KLF6: variants seen among roughly 807,000 people sequenced by gnomAD.
KLF6 encodes KLF transcription factor 6, also known as Krueppel-like factor 6.
For synonymous variants in KLF6, 152 were observed against 147.9 expected, an observed-to-expected ratio of 1.03 and a Z score of -0.20; for missense variants, 233 against 359.8, an observed-to-expected ratio of 0.65 and a Z score of 2.85.
rs777689177 is a variant in KLF6, at chr10:3,778,551, T to C, written c.*988A>G. ...GAATTCTCCAAAAAGTTAATTCAAA[T>C]TCAGAATCATTTAAAAATAATCCTG... On this transcript the variant is annotated 3_prime_UTR_variant, in exon 4 of 4. Transcript: ENST00000497571. 1.9e-6 allele frequency: 1 copy of C among 520,310 alleles called. No homozygotes were observed. The highest frequency in any genetic ancestry group is 1.5e-5 in the South Asian group (1 of 64,804). 32.2% of individuals were successfully genotyped at this position (520,310 alleles called of 1,614,324 possible).
At position 3,778,963 on chromosome 10, in the gene KLF6, A is replaced by T. The variant is rs1214249122; in HGVS notation, c.*576T>A. 1.1e-5 allele frequency: 6 copies of T among 534,256 alleles called. No individual in the cohort carries two copies. Among genetic ancestry groups the T allele is most frequent in the African/African-American group, 5.6e-5 (3 of 53,814 alleles). 33.1% of individuals were successfully genotyped at this position (534,256 alleles called of 1,614,324 possible). On this transcript the variant is annotated 3_prime_UTR_variant, in exon 4 of 4. Transcript: ENST00000497571. ...GGGGAGAGAGGCTCTCCCTCCCCAC[A>T]CCACTCGCCACTCTGGGGTCCTGAG...
chr10:3,782,858 T>C lies in KLF6; in HGVS notation c.103-644A>G, dbSNP rs1188158060. On this transcript the variant is annotated intron_variant, in intron 1 of 3. Coordinates refer to ENST00000497571, the MANE Select transcript of KLF6 (RefSeq NM_001300.6). The surrounding 1 kb of genome is among the most constrained non-coding windows in gnomAD (Gnocchi z 4.3). The stretch of plus-strand genomic sequence containing the variant: ...CCAGACCGCCTATGTTTTCACAGAA[T>C]GCCGTTCCCAAGTGCAGGCCCTTGC... Among the ~76,000 whole-genome samples, 1 of 152,246 alleles carries C rather than the reference T, an allele frequency of 6.6e-6. No individual in the cohort carries two copies. Among genetic ancestry groups the C allele is most frequent in the Admixed American group, 6.5e-5 (1 of 15,286 alleles).
At position 3,780,168 on chromosome 10, in the gene KLF6, C is replaced by T. The variant is rs1832487538; in HGVS notation, c.738G>A (p.Glu246=). 3 of 1,614,176 alleles carry T rather than the reference C, an allele frequency of 1.9e-6. No individual in the cohort carries two copies. Among genetic ancestry groups the T allele is most frequent in the Non-Finnish European group, 2.5e-6 (3 of 1,180,018 alleles). Residue 246 remains glutamate, a synonymous_variant, in exon 3 of 4, where the codon GAG becomes GAA. Coordinates refer to ENST00000497571, the MANE Select transcript of KLF6 (RefSeq NM_001300.6). This position sits in a 1 kb window ranked among gnomAD's most constrained non-coding sequence, Gnocchi z 4.6. ...TGTGCTTTCGGAAGTGCCTGGTTAA[C>T]TCATCACTTCTTGCAAAACGCCACT... ...GCEWRFARSD[E]LTRHFRKHTG... is the part of the protein sequence containing the mutation.
rs17731 is a variant in KLF6, at chr10:3,779,369, G to C, written c.*170C>G. The stretch of plus-strand genomic sequence containing the variant: ...TACCATGCACCACGGGTGCTATGCC[G>C]CTTCTTACAGGACCTTTTTAGCCCT... On this transcript the variant is annotated 3_prime_UTR_variant, in exon 4 of 4. Transcript: ENST00000497571. 43 of 698,002 alleles carry C rather than the reference G, an allele frequency of 6.2e-5. No homozygotes were observed. The highest frequency in any genetic ancestry group is 9.7e-5 in the Non-Finnish European group (37 of 383,092). 43.2% of individuals were successfully genotyped at this position (698,002 alleles called of 1,614,324 possible).
rs566399637 is a variant in KLF6, at chr10:3,776,007, T to C, written c.*3532A>G. The stretch of plus-strand genomic sequence containing the variant: ...AGATGTAACTCCTCTGGCAGTGATG[T>C]CATCTTTTATTTTCTGCCCTCCTTG... On this transcript the variant is annotated 3_prime_UTR_variant, in exon 4 of 4. Coordinates refer to ENST00000497571, the MANE Select transcript of KLF6 (RefSeq NM_001300.6). 43 of 464,380 alleles carry C rather than the reference T, an allele frequency of 9.3e-5. No homozygotes were observed. The East Asian group carries it at 1.8e-3, about 20-fold the overall frequency. 28.8% of individuals were successfully genotyped at this position (464,380 alleles called of 1,614,324 possible). A position where few individuals can be genotyped will look rare whatever the true frequency, so the allele number is the denominator to read the frequency against.
Position 3,776,762 on chromosome 10 carries a change from G to C in KLF6, c.*2777C>G, listed in dbSNP as rs2131089843. 2.1e-6 allele frequency: 1 copy of C among 474,660 alleles called. No individual in the cohort carries two copies. The highest frequency in any genetic ancestry group is 4.0e-6 in the Non-Finnish European group (1 of 251,106). 29.4% of individuals were successfully genotyped at this position (474,660 alleles called of 1,614,324 possible). The stretch of plus-strand genomic sequence containing the variant: ...ATTTTTTTTTAATTTCAAGCAAAAA[G>C]TTTCTGCTTGATTGAGGCTCAGTTA... On this transcript the variant is annotated 3_prime_UTR_variant, in exon 4 of 4. Transcript: ENST00000497571.
Position 3,780,340 on chromosome 10 carries a change from C to T in KLF6, c.677-111G>A. On this transcript the variant is annotated intron_variant, in intron 2 of 3. Transcript: ENST00000497571. This position sits in a 1 kb window ranked among gnomAD's most constrained non-coding sequence, Gnocchi z 4.6. Reference sequence around the variant, plus strand: ...GGATGCAAGGCCAGGGACCCAGTGGCTTCTGGCATCGGTAACACACAACAA... The same window carrying T: ...GGATGCAAGGCCAGGGACCCAGTGGTTTCTGGCATCGGTAACACACAACAA... 2 of 1,328,536 alleles carry T rather than the reference C, an allele frequency of 1.5e-6. No homozygotes were observed. Among genetic ancestry groups the T allele is most frequent in the South Asian group, 1.2e-5 (1 of 84,940 alleles). The allele number at this position is 1,328,536 out of a possible 1,614,324, so 82.3% of individuals were successfully genotyped here.
chr10:3,783,006 C>G (rs1832566007), intron 1 of KLF6, among the ~76,000 whole-genome samples: 1 of 152,216 alleles, frequency 6.6e-6, no homozygotes, highest in African/African-American at 2.4e-5. Context: ...GGGGAAATTA[C>G]TCCACGGCCC....
At position 3,776,788 on chromosome 10, in the gene KLF6, T is replaced by C. The variant is rs990227533; in HGVS notation, c.*2751A>G. 1.6e-5 allele frequency: 8 copies of C among 513,396 alleles called. No individual in the cohort carries two copies. The highest frequency in any genetic ancestry group is 6.8e-5 in the Admixed American group (3 of 43,842). The allele number at this position is 513,396 out of a possible 1,614,324, so 31.8% of individuals were successfully genotyped here. On this transcript the variant is annotated 3_prime_UTR_variant, in exon 4 of 4. Transcript: ENST00000497571. ...TTTCTGCTTGATTGAGGCTCAGTTA[T>C]CACCTGAACAGAATGTACTTCTTTA...
rs1338739569 is a variant in KLF6 at position 3,776,860 on chromosome 10, C to G, written c.*2679G>C. 1 of 527,624 alleles carries G rather than the reference C, an allele frequency of 1.9e-6. No homozygotes were observed. Among genetic ancestry groups the G allele is most frequent in the Non-Finnish European group, 3.7e-6 (1 of 272,970 alleles). The allele number at this position is 527,624 out of a possible 1,614,324, so 32.7% of individuals were successfully genotyped here. A position where few individuals can be genotyped will look rare whatever the true frequency, so the allele number is the denominator to read the frequency against. ...TCACAGGCATTGACAGGTACGGTACCCAGCCCCACCCAGGCAAACAGCTCC... is the reference window on the plus strand; with the variant it reads ...TCACAGGCATTGACAGGTACGGTACGCAGCCCCACCCAGGCAAACAGCTCC... On this transcript the variant is annotated 3_prime_UTR_variant, in exon 4 of 4. Coordinates refer to ENST00000497571, the MANE Select transcript of KLF6 (RefSeq NM_001300.6).
At position 3,779,597 on chromosome 10, in the gene KLF6, G is replaced by C; in HGVS notation, c.801-7C>G. 1 of 1,613,978 alleles carries C rather than the reference G, an allele frequency of 6.2e-7. No individual in the cohort carries two copies. Among genetic ancestry groups the C allele is most frequent in the Non-Finnish European group, 8.5e-7 (1 of 1,179,818 alleles). ...GTCAGACCTGGAAAAACACCTGCAAGGGCAAATCAGAAGCACAGAAGAAGT... is the reference window on the plus strand; with the variant it reads ...GTCAGACCTGGAAAAACACCTGCAACGGCAAATCAGAAGCACAGAAGAAGT... On this transcript the variant is annotated splice_polypyrimidine_tract_variant and splice_region_variant and intron_variant, in intron 3 of 3. Coordinates refer to ENST00000497571, the MANE Select transcript of KLF6 (RefSeq NM_001300.6).
Position 3,776,817 on chromosome 10 carries a change from A to T in KLF6, c.*2722T>A, listed in dbSNP as rs2131089922. 1.9e-6 allele frequency: 1 copy of T among 522,780 alleles called. No homozygotes were observed. Among genetic ancestry groups the T allele is most frequent in the Admixed American group, 2.2e-5 (1 of 44,602 alleles). 32.4% of individuals were successfully genotyped at this position (522,780 alleles called of 1,614,324 possible). Reference sequence around the variant, plus strand: ...CTGAACAGAATGTACTTCTTTATGTACGTGCTAATTATGAAAATCACAGGC... The same window carrying T: ...CTGAACAGAATGTACTTCTTTATGTTCGTGCTAATTATGAAAATCACAGGC... On this transcript the variant is annotated 3_prime_UTR_variant, in exon 4 of 4. Coordinates refer to ENST00000497571, the MANE Select transcript of KLF6 (RefSeq NM_001300.6).
intron 3 of KLF6, among the ~76,000 whole-genome samples, chr10:3,779,822 G>A (rs1046874571): frequency 3.9e-5 from 6 of 152,210 alleles, no homozygotes; most frequent in Admixed American, 2.6e-4. Flanking sequence ...GAATCTGAAC[G>A]GACTTCATTT....
chr10:3,776,409 G>A lies in KLF6; in HGVS notation c.*3130C>T, dbSNP rs976652558. The A allele has an allele frequency of 1.7e-5, 9 of 531,970 alleles. No homozygotes were observed. Among genetic ancestry groups the A allele is most frequent in the African/African-American group, 1.5e-4 (8 of 53,642 alleles). The allele number at this position is 531,970 out of a possible 1,614,324, so 33.0% of individuals were successfully genotyped here. ...TCTCCAGCTCCCAGGACAGGCTGTG[G>A]AAAGAGGAAGGGGCTGAGGTCGGTG... On this transcript the variant is annotated 3_prime_UTR_variant, in exon 4 of 4. Transcript: ENST00000497571.
Position 3,781,410 on chromosome 10 carries a change from G to A in KLF6, c.676+231C>T. 2.0e-6 allele frequency: 3 copies of A among 1,496,630 alleles called. No individual in the cohort carries two copies. The highest frequency in any genetic ancestry group is 4.4e-5 in the Admixed American group (2 of 45,686). The allele number at this position is 1,496,630 out of a possible 1,614,324, so 92.7% of individuals were successfully genotyped here. ...CGTGGAGAAAAGGATCTAGTCTCTT[G>A]TTTGTTTAATCTGAAAATTGTTACA... On this transcript the variant is annotated intron_variant, in intron 2 of 3. Transcript: ENST00000497571. The surrounding 1 kb of genome is among the most constrained non-coding windows in gnomAD (Gnocchi z 5.8).
At position 3,776,338 on chromosome 10, in the gene KLF6, G is replaced by A. The variant is rs1309940131; in HGVS notation, c.*3201C>T. The stretch of plus-strand genomic sequence containing the variant: ...TGTTTTTGTCAGTCCTTGGAGAAGA[G>A]TATTTGATGCATTCAGGGAGGGCAA... On this transcript the variant is annotated 3_prime_UTR_variant, in exon 4 of 4. Transcript: ENST00000497571. 7.5e-6 allele frequency: 4 copies of A among 532,580 alleles called. No homozygotes were observed. The East Asian group carries it at 1.6e-4, about 21-fold the overall frequency. The allele number at this position is 532,580 out of a possible 1,614,324, so 33.0% of individuals were successfully genotyped here. A position where few individuals can be genotyped will look rare whatever the true frequency, so the allele number is the denominator to read the frequency against.
In KLF6 at chr10:3,781,539, C is replaced by T. The variant is rs763053430; in HGVS notation, c.676+102G>A. The T allele has an allele frequency of 1.9e-6, 3 of 1,563,166 alleles. No homozygotes were observed. The highest frequency in any genetic ancestry group is 2.6e-6 in the Non-Finnish European group (3 of 1,153,812). ...TCTGAGGAAGTGAGGATTTGTCTGCCCTGACCACATCCTGTGCAGCCAGGC... is the reference window on the plus strand; with the variant it reads ...TCTGAGGAAGTGAGGATTTGTCTGCTCTGACCACATCCTGTGCAGCCAGGC... On this transcript the variant is annotated intron_variant, in intron 2 of 3. Transcript: ENST00000497571. The surrounding 1 kb of genome is among the most constrained non-coding windows in gnomAD (Gnocchi z 5.8).
In KLF6 at chr10:3,777,216, G is replaced by C. The variant is rs770293118; in HGVS notation, c.*2323C>G. 9.7e-6 allele frequency: 5 copies of C among 517,626 alleles called. No individual in the cohort carries two copies. Among genetic ancestry groups the C allele is most frequent in the South Asian group, 7.7e-5 (5 of 64,928 alleles). 32.1% of individuals were successfully genotyped at this position (517,626 alleles called of 1,614,324 possible). A position where few individuals can be genotyped will look rare whatever the true frequency, so the allele number is the denominator to read the frequency against. ...TACCAGCCCAGCCAGACTCACATGT[G>C]TGTATATATATATAAAGCAAAGAGC... On this transcript the variant is annotated 3_prime_UTR_variant, in exon 4 of 4. Coordinates refer to ENST00000497571, the MANE Select transcript of KLF6 (RefSeq NM_001300.6).
rs1444309997 is a variant in KLF6, at chr10:3,777,517, G to A, written c.*2022C>T. 3.9e-6 allele frequency: 2 copies of A among 513,500 alleles called. No individual in the cohort carries two copies. The highest frequency in any genetic ancestry group is 8.5e-5 in the East Asian group (2 of 23,442). The allele number at this position is 513,500 out of a possible 1,614,324, so 31.8% of individuals were successfully genotyped here. A position where few individuals can be genotyped will look rare whatever the true frequency, so the allele number is the denominator to read the frequency against. The stretch of plus-strand genomic sequence containing the variant: ...TCAGGCCACTTCTGAACGGCCGAAG[G>A]TGCCCCATTCCAGACCTGCCCATTT... On this transcript the variant is annotated 3_prime_UTR_variant, in exon 4 of 4. Coordinates refer to ENST00000497571, the MANE Select transcript of KLF6 (RefSeq NM_001300.6).
Sources: allele counts gnomAD v4.1 joint callset (sites outside exome capture counted in the v4.1 genomes callset), GRCh38; gene constraint gnomAD v4.1.1; non-coding constraint Gnocchi (gnomAD v3.1); transcripts MANE v1.5; gene names NCBI Gene and HGNC (gene_info 2026-07-23, HGNC 2026-07-21).